CSMD1: variants seen among roughly 807,000 people sequenced by gnomAD.
The protein encoded by CSMD1 is CUB and Sushi multiple domains 1, also known as CUB and sushi domain-containing protein 1.
Under a neutral mutation model 417.5 loss-of-function variants are expected in CSMD1, and 213 were observed. The ratio of observed to expected loss-of-function variants is 0.51; its 90% CI spans 0.46 to 0.57. CSMD1 has a LOEUF of 0.57. Ranked by LOEUF, CSMD1 falls within the 20% of genes least tolerant of loss-of-function variation. The pLI is 0.00. For missense variants in CSMD1, 6,923 were observed against 4,529.7 expected (o/e 1.53, Z -15.17); for synonymous variants, 2,862 against 1,736.8 (o/e 1.65, Z -16.11).
chr8:3,550,780 CT>C (rs1263901001), intron 10 of CSMD1, among the ~76,000 whole-genome samples: 1 of 152,232 alleles, frequency 6.6e-6, no homozygotes, highest in Non-Finnish European at 1.5e-5. Flanking sequence ...TTCCCACATC[CT>C]TCCTGGGTCA....
chr8:3,037,570 G>A (rs1650873864), intron 50 of CSMD1, among the ~76,000 whole-genome samples: 1 of 152,252 alleles, frequency 6.6e-6, no homozygotes, highest in Non-Finnish European at 1.5e-5. Context: ...GTGTGCATGT[G>A]TCTTTTCCAC....
chr8:3,105,691 T>C (rs1563345908), intron 46 of CSMD1, among the ~76,000 whole-genome samples: 1 of 152,232 alleles, frequency 6.6e-6, no homozygotes, highest in East Asian at 1.9e-4. Context: ...TTTCATTTTT[T>C]ATAAATTTAC....
At chr8:4,930,212 A>G (rs1807155178) in intron 1 of CSMD1, among the ~76,000 whole-genome samples, 1 of 152,188 alleles carries the variant, frequency 6.6e-6, no homozygotes, top group Non-Finnish European at 1.5e-5. Context: ...ATATGCAATC[A>G]ATGTCCTTTC....
intron 7 of CSMD1, among the ~76,000 whole-genome samples, chr8:3,697,972 A>G (rs540633371): frequency 3.9e-5 from 6 of 152,182 alleles, no homozygotes; most frequent in Non-Finnish European, 8.8e-5. Context: ...TTTTACTTCT[A>G]TGGTTACAAT....
intron 3 of CSMD1, among the ~76,000 whole-genome samples, chr8:4,236,237 C>T (rs1802051694): frequency 6.6e-6 from 1 of 151,950 alleles, no homozygotes; most frequent in African/African-American, 2.4e-5. Flanking sequence ...CATCGCATCA[C>T]CTACCTTCCT....
chr8:3,568,563 C>T (rs1799814478), intron 10 of CSMD1, among the ~76,000 whole-genome samples: 1 of 152,192 alleles, frequency 6.6e-6, no homozygotes, highest in East Asian at 1.9e-4. Flanking sequence ...GAAATTATGT[C>T]ACCACAGAAT....
chr8:4,592,064 A>C (rs1800017462), intron 2 of CSMD1, among the ~76,000 whole-genome samples: 1 of 152,078 alleles, frequency 6.6e-6, no homozygotes, highest in Non-Finnish European at 1.5e-5. Context: ...GAGGTACCGG[A>C]GGGACGTCTA....
At chr8:3,460,006 A>C (rs144177867) in intron 12 of CSMD1, among the ~76,000 whole-genome samples, 110 of 152,330 alleles carry the variant, frequency 7.2e-4, no homozygotes, top group African/African-American at 2.4e-3. Context: ...GGATGCAGCT[A>C]TACAACCTGC....
At chr8:3,375,823 T>A (rs371395608) in intron 18 of CSMD1, among the ~76,000 whole-genome samples, 1 of 152,176 alleles carries the variant, frequency 6.6e-6, no homozygotes, top group Admixed American at 6.5e-5. Context: ...TTGATCATCA[T>A]CTACCTTCAG....
chr8:3,791,658 T>C (rs1032031443), intron 5 of CSMD1, among the ~76,000 whole-genome samples: 7 of 152,052 alleles, frequency 4.6e-5, no homozygotes, highest in Non-Finnish European at 4.4e-5. Context: ...AACCCATCTC[T>C]AGAAAAGCAC....
intron 1 of CSMD1, among the ~76,000 whole-genome samples, chr8:4,949,944 T>C (rs985390337): frequency 1.3e-5 from 2 of 152,084 alleles, no homozygotes; most frequent in African/African-American, 4.8e-5. Flanking sequence ...TCTATCTACA[T>C]TGCAAGAATA....
chr8:3,151,905 A>G (rs551065072), intron 39 of CSMD1, among the ~76,000 whole-genome samples: 2 of 152,326 alleles, frequency 1.3e-5, no homozygotes, highest in African/African-American at 4.8e-5. Context: ...CTGTGCCTAG[A>G]TAAATACATT....
In CSMD1 at chr8:4,764,087, A is replaced by G. The variant is rs540445066; in HGVS notation, c.86-126529T>C. ...AGCACTCTGTCTGCATCATCTATGC[A>G]ATCTCCACCTCCAGAGAGGTAATCT... is the stretch of plus-strand genomic sequence containing the variant. On this transcript the variant is annotated intron_variant, in intron 1 of 69. Transcript: ENST00000635120. 3.5e-4 allele frequency among the ~76,000 whole-genome samples: 53 copies of G among 152,304 alleles called. No homozygotes were observed. The East Asian group carries it at 9.1e-3, about 26-fold the overall frequency.
chr8:4,983,696 T>C (rs1207222078), intron 1 of CSMD1, among the ~76,000 whole-genome samples: 1 of 152,064 alleles, frequency 6.6e-6, no homozygotes, highest in Admixed American at 6.6e-5. Flanking sequence ...CTAATTTTTT[T>C]TTTCGTATTT....
intron 49 of CSMD1, among the ~76,000 whole-genome samples, chr8:3,057,396 A>C (rs1032288576): frequency 6.6e-6 from 1 of 152,146 alleles, no homozygotes; most frequent in Non-Finnish European, 1.5e-5. Flanking sequence ...TCATTAAAAC[A>C]CCTTAGGAAA....
intron 3 of CSMD1, among the ~76,000 whole-genome samples, chr8:4,116,178 C>G (rs1002528388): frequency 6.6e-6 from 1 of 151,876 alleles, no homozygotes; most frequent in Non-Finnish European, 1.5e-5. Context: ...ATTTTTAGTA[C>G]AGACGGGGTT....
In CSMD1 at chr8:3,796,376, GTA is replaced by G. The variant is rs1428839167; in HGVS notation, c.819-42336_819-42335del. 1.9e-3 allele frequency among the ~76,000 whole-genome samples: 58 copies of G among 30,136 alleles called. 17 individuals carry two copies. The highest frequency in any genetic ancestry group is 0.1 in the Middle Eastern group (2 of 20). The allele number at this position is 30,136 out of a possible 152,430, so 19.8% of individuals were successfully genotyped here. ...ATGTATAGATATAGATATCTATCAT[GTA>G]TATATATATCTATCATGTATAGATA... is the stretch of plus-strand genomic sequence containing the variant. On this transcript the variant is annotated intron_variant, in intron 5 of 69. Coordinates refer to ENST00000635120, the MANE Select transcript of CSMD1 (RefSeq NM_033225.6).
At chr8:3,989,802 C>T (rs957989222) in intron 5 of CSMD1, among the ~76,000 whole-genome samples, 2 of 152,148 alleles carry the variant, frequency 1.3e-5, no homozygotes, top group African/African-American at 4.8e-5. Flanking sequence ...TTGGATAGCA[C>T]GTGCCAACAG....
intron 8 of CSMD1, among the ~76,000 whole-genome samples, chr8:3,602,413 A>T (rs76047108): frequency 6.6e-6 from 1 of 152,178 alleles, no homozygotes; most frequent in African/African-American, 2.4e-5. Context: ...TTTTAAAGGA[A>T]TTAGAAAAAT....
Sources: gnomAD v4.1 joint callset for allele counts (sites outside exome capture counted in the v4.1 genomes callset) on GRCh38, gnomAD v4.1.1 for gene constraint, MANE v1.5 for transcripts, NCBI Gene and HGNC (gene_info 2026-07-23, HGNC 2026-07-21) for gene names.